The following CFAP95 variants were observed in gnomAD, a reference collection of about 807,000 sequenced individuals.
CFAP95 encodes the protein cilia and flagella associated protein 95.
the CFAP95 span, chr9:69,858,115 C>G: frequency 1.5e-6 from 1 of 678,994 alleles, no homozygotes; most frequent in Non-Finnish European, 2.6e-6. Flanking sequence ...TTGCCTTTAA[C>G]CAAATGTTTT....
At chr9:69,882,168 A>T in the CFAP95 span, among the ~76,000 whole-genome samples, 1 of 151,912 alleles carries the variant, frequency 6.6e-6, no homozygotes, top group Non-Finnish European at 1.5e-5. Flanking sequence ...TTTTTGTAGA[A>T]GCTGGGTTTC....
chr9:69,857,301 T>C, the CFAP95 span, among the ~76,000 whole-genome samples: 7 of 152,222 alleles, frequency 4.6e-5, no homozygotes, highest in African/African-American at 9.6e-5. Flanking sequence ...TTCATCATAG[T>C]TGTCATCCTG....
At chr9:69,829,083 G>T in the CFAP95 span, among the ~76,000 whole-genome samples, 1 of 152,080 alleles carries the variant, frequency 6.6e-6, no homozygotes, top group Non-Finnish European at 1.5e-5. Context: ...CATTCATTTG[G>T]TTTAACCACC....
At chr9:69,866,153 A>C in the CFAP95 span, among the ~76,000 whole-genome samples, 1 of 152,210 alleles carries the variant, frequency 6.6e-6, no homozygotes, top group Non-Finnish European at 1.5e-5. Context: ...CTTTGTAAAC[A>C]TGGAGAGAAT....
At chr9:69,879,716 A>T in the CFAP95 span, among the ~76,000 whole-genome samples, 1 of 152,188 alleles carries the variant, frequency 6.6e-6, no homozygotes. Context: ...GAAAGTTTGT[A>T]AGGCCAGTCC....
the CFAP95 span, among the ~76,000 whole-genome samples, chr9:69,880,432 T>C: frequency 6.6e-6 from 1 of 152,206 alleles, no homozygotes; most frequent in Admixed American, 6.5e-5. Flanking sequence ...GTGCCTGGCT[T>C]ATTTCACTTA....
At chr9:69,903,795 T>C in the CFAP95 span, among the ~76,000 whole-genome samples, 2 of 152,124 alleles carry the variant, frequency 1.3e-5, no homozygotes, top group East Asian at 3.9e-4. Flanking sequence ...GTCATGATCA[T>C]GGCTCACTGC....
At chr9:69,905,938 C>A in the CFAP95 span, 1 of 1,487,066 alleles carries the variant, frequency 6.7e-7, no homozygotes, top group Admixed American at 2.4e-5. Flanking sequence ...TATTATTTCT[C>A]TTTTTTCCCC....
the CFAP95 span, chr9:69,856,683 A>G: frequency 6.3e-7 from 1 of 1,580,164 alleles, no homozygotes; most frequent in Non-Finnish European, 8.7e-7. Context: ...GGTATTCTTA[A>G]TACTTTTCTT....
At chr9:69,899,426 T>C in the CFAP95 span, among the ~76,000 whole-genome samples, 1 of 152,232 alleles carries the variant, frequency 6.6e-6, no homozygotes, top group Non-Finnish European at 1.5e-5. Flanking sequence ...AAGCTTAGTC[T>C]GATGCCATAA....
At chr9:69,833,324 A>G in the CFAP95 span, among the ~76,000 whole-genome samples, 4 of 152,178 alleles carry the variant, frequency 2.6e-5, no homozygotes, top group Non-Finnish European at 5.9e-5. Context: ...TCTGTGTTGT[A>G]GTTTTTATCA....
the CFAP95 span, among the ~76,000 whole-genome samples, chr9:69,852,057 C>A: frequency 6.6e-6 from 1 of 152,070 alleles, no homozygotes; most frequent in African/African-American, 2.4e-5. Flanking sequence ...CATGGCACTG[C>A]TGAGTTAACC....
chr9:69,885,544 AT>A, the CFAP95 span, among the ~76,000 whole-genome samples: 1 of 152,156 alleles, frequency 6.6e-6, no homozygotes, highest in African/African-American at 2.4e-5. Flanking sequence ...ACATCAGTTT[AT>A]GATTTCCCAT....
At chr9:69,874,263 TA>T in the CFAP95 span, among the ~76,000 whole-genome samples, 2 of 152,032 alleles carry the variant, frequency 1.3e-5, no homozygotes, top group Non-Finnish European at 2.9e-5. Flanking sequence ...TAATGAGAAA[TA>T]AAAATTTCAA....
the CFAP95 span, among the ~76,000 whole-genome samples, chr9:69,894,701 T>A: frequency 6.6e-6 from 1 of 152,220 alleles, no homozygotes; most frequent in East Asian, 1.9e-4. Context: ...TATTTGTAGC[T>A]ACTTTGCAAA....
chr9:69,836,888 A>T, the CFAP95 span, among the ~76,000 whole-genome samples: 2 of 23,248 alleles, frequency 8.6e-5, no homozygotes, highest in Non-Finnish European at 9.3e-5. Flanking sequence ...GCCTCCCCCC[A>T]CCCCACAACA....
At chr9:69,844,653 A>G in the CFAP95 span, 1 of 1,506,488 alleles carries the variant, frequency 6.6e-7, no homozygotes, top group Non-Finnish European at 9.1e-7. Flanking sequence ...CTTCGTTTGA[A>G]GTCTGAAATC....
chr9:69,902,992 A>C, the CFAP95 span, among the ~76,000 whole-genome samples: 1 of 152,178 alleles, frequency 6.6e-6, no homozygotes, highest in Admixed American at 6.5e-5. Context: ...GTATGTTAGG[A>C]TGCTTTTAAT....
At chr9:69,865,367 G>T in the CFAP95 span, among the ~76,000 whole-genome samples, 11 of 152,156 alleles carry the variant, frequency 7.2e-5, no homozygotes, top group Non-Finnish European at 1.5e-4. Context: ...GAGGAAAGTG[G>T]GGTGATGAAA....
Sources: gnomAD v4.1 joint callset for allele counts (sites outside exome capture counted in the v4.1 genomes callset) on GRCh38, gnomAD v4.1.1 for gene constraint, MANE v1.5 for transcripts, NCBI Gene and HGNC (gene_info 2026-07-23, HGNC 2026-07-21) for gene names.